The following RANGAP1 variants were observed in gnomAD, a reference collection of about 807,000 sequenced individuals.
The protein encoded by RANGAP1 is Ran GTPase activating protein 1.
A neutral mutation model predicts 63.5 loss-of-function variants in RANGAP1; 38 were observed. The observed-to-expected ratio is 0.60, with a 90% CI of 0.46 to 0.78. The LOEUF (loss-of-function observed/expected upper bound fraction) is 0.78. Among genes scored for constraint, RANGAP1 ranks in the 30% least tolerant of loss-of-function variants. The probability of loss-of-function intolerance (pLI) is 0.00; values close to 1 mark genes in which losing one functional copy is unlikely to be tolerated. For synonymous variants in RANGAP1, 329 were observed against 310.5 expected (o/e 1.06, Z -0.63); for missense variants, 630 against 740.3 (o/e 0.85, Z 1.73).
chr22:41,291,616 A>T, the RANGAP1 span, among the ~76,000 whole-genome samples: 1 of 103,746 alleles, frequency 9.6e-6, no homozygotes, highest in Non-Finnish European at 2.0e-5. Flanking sequence ...AAAAAAAAAT[A>T]GGCCGGGCGC....
At chr22:41,269,535 G>A (rs2145786693) in intron 3 of RANGAP1, among the ~76,000 whole-genome samples, 1 of 151,748 alleles carries the variant, frequency 6.6e-6, no homozygotes, top group Middle Eastern at 3.4e-3. Flanking sequence ...AGGAGTTTGA[G>A]AGTAGCCTGG....
In RANGAP1 at chr22:41,256,624, C is replaced by A. The variant is rs573055188; in HGVS notation, c.888+87G>T. 13 of 1,189,446 alleles carry A rather than the reference C, an allele frequency of 1.1e-5. No homozygotes were observed. The South Asian group carries it at 1.6e-4, about 15-fold the overall frequency. The allele number at this position is 1,189,446 out of a possible 1,614,324, so 73.7% of individuals were successfully genotyped here. The stretch of plus-strand genomic sequence containing the variant: ...GAGCTGGGATATGGACACAGGCCCA[C>A]CTGCCTTCAGACCAGACCCCTGTGC... On this transcript the variant is annotated intron_variant, in intron 8 of 15. Transcript: ENST00000356244.
At chr22:41,259,219 G>A (rs1407337868) in intron 6 of RANGAP1, among the ~76,000 whole-genome samples, 1 of 152,178 alleles carries the variant, frequency 6.6e-6, no homozygotes, top group Non-Finnish European at 1.5e-5. Flanking sequence ...CCAGGACTGA[G>A]GGTTGGCCTG....
At chr22:41,301,557 C>G in the RANGAP1 span, 2 of 152,150 alleles carry the variant, frequency 1.3e-5, no homozygotes, top group Non-Finnish European at 2.9e-5. Flanking sequence ...CTGCCGCGAG[C>G]GGCCAGCCGA....
In RANGAP1 at chr22:41,281,102, A is replaced by G; in HGVS notation, c.-38-20T>C. On this transcript the variant is annotated intron_variant, in intron 1 of 15. Transcript: ENST00000356244. ...TGCAGACTGAGGAGGCCAAAGTTGC[A>G]GTAAGAAAAAGGAGTCTCCTGGGGC... 1 of 1,521,382 alleles carries G rather than the reference A, an allele frequency of 6.6e-7. No individual in the cohort carries two copies. Among genetic ancestry groups the G allele is most frequent in the Non-Finnish European group, 8.7e-7 (1 of 1,144,620 alleles). 94.2% of individuals were successfully genotyped at this position (1,521,382 alleles called of 1,614,324 possible). A position where few individuals can be genotyped will look rare whatever the true frequency, so the allele number is the denominator to read the frequency against.
At position 41,273,563 on chromosome 22, in the gene RANGAP1, C is replaced by T. The variant is rs371657764; in HGVS notation, c.240+1037G>A. On this transcript the variant is annotated intron_variant, in intron 3 of 15. Transcript: ENST00000356244. ...CAGACAAATCACAAGGTCAGGAGTTCGACACCAGCCTGGCCAACATAGTGA... is the reference window on the plus strand; with the variant it reads ...CAGACAAATCACAAGGTCAGGAGTTTGACACCAGCCTGGCCAACATAGTGA... 3.4e-3 allele frequency among the ~76,000 whole-genome samples: 517 copies of T among 151,510 alleles called. 2 individuals are homozygous for T. Among genetic ancestry groups the T allele is most frequent in the East Asian group, 0.012 (60 of 5,130 alleles).
Position 41,256,267 on chromosome 22 carries a change from T to C in RANGAP1, c.912A>G (p.Glu304=). The C allele has an allele frequency of 6.2e-7, 1 of 1,614,070 alleles. No homozygotes were observed. The highest frequency in any genetic ancestry group is 8.5e-7 in the Non-Finnish European group (1 of 1,180,010). ...CAGCCAGGGCAGCATCCCTCTTGAT[T>C]TCACAGAATGACAAGTTCAGCTCCT... ...KLKELNLSFC[E]IKRDAALAVA... is the part of the protein sequence containing the mutation. Residue 304 remains glutamate, a synonymous_variant, in exon 9 of 16, where the codon GAA becomes GAG. Coordinates refer to ENST00000356244, the MANE Select transcript of RANGAP1 (RefSeq NM_002883.4).
chr22:41,249,227 G>A (rs1216155808), intron 15 of RANGAP1, 103 bp downstream of exon 15: 3 of 1,433,240 alleles, frequency 2.1e-6, no homozygotes, highest in Non-Finnish European at 2.8e-6. Flanking sequence ...GGGCCAGCAG[G>A]CTGGCTGGGC....
chr22:41,246,367 G>A lies in RANGAP1; in HGVS notation c.*236C>T. 2.1e-6 allele frequency: 1 copy of A among 472,264 alleles called. No homozygotes were observed. The highest frequency in any genetic ancestry group is 3.9e-6 in the Non-Finnish European group (1 of 258,796). The allele number at this position is 472,264 out of a possible 1,614,324, so 29.3% of individuals were successfully genotyped here. A position where few individuals can be genotyped will look rare whatever the true frequency, so the allele number is the denominator to read the frequency against. On this transcript the variant is annotated 3_prime_UTR_variant, in exon 16 of 16. Coordinates refer to ENST00000356244, the MANE Select transcript of RANGAP1 (RefSeq NM_002883.4). ...CCCTGGGGGCCAACTCCCCACAACA[G>A]AGCAGGGCTGGGCCAGCAGAAGACG...
At chr22:41,261,307 T>A in intron 6 of RANGAP1, 139 bp downstream of exon 6, 1 of 1,327,840 alleles carries the variant, frequency 7.5e-7, no homozygotes, top group Non-Finnish European at 1.0e-6. Context: ...TCGGATGGGT[T>A]AACAGGCTTG....
intron 2 of RANGAP1, among the ~76,000 whole-genome samples, chr22:41,279,085 G>A (rs1460733367): frequency 6.6e-6 from 1 of 152,256 alleles, no homozygotes; most frequent in Admixed American, 6.5e-5. Flanking sequence ...GGAGCCTGCA[G>A]TGAGCCAACA....
rs149263766 is a variant in RANGAP1 at position 41,280,949 on chromosome 22, G to A, written c.96C>T (p.Leu32=). 8.7e-6 allele frequency: 14 copies of A among 1,613,998 alleles called. No individual in the cohort carries two copies. The highest frequency in any genetic ancestry group is 1.2e-5 in the Non-Finnish European group (14 of 1,180,034). The change falls in exon 2 of 16, where the codon CTC becomes CTT. Residue 32 remains leucine (L), a synonymous_variant. Transcript: ENST00000356244. ...GAAACTCACCATCTTCTGCAGTGTT[G>A]AGTTTGAGGCTCTTGCCTTTGAAAC... ...QLSFKGKSLK[L]NTAEDAKDVI... is the part of the protein sequence containing the mutation.
At chr22:41,291,427 C>T in the RANGAP1 span, among the ~76,000 whole-genome samples, 1 of 151,228 alleles carries the variant, frequency 6.6e-6, no homozygotes, top group African/African-American at 2.4e-5. Context: ...GAAACCCTGT[C>T]TCTACTAAAA....
At chr22:41,255,950 T>A in intron 10 of RANGAP1, 71 bp downstream of exon 10, 1 of 1,460,372 alleles carries the variant, frequency 6.8e-7, no homozygotes, top group Non-Finnish European at 9.5e-7. Flanking sequence ...CAAGACTCCA[T>A]CTCAAGAACA....
chr22:41,269,459 G>C (rs947439844), intron 3 of RANGAP1, among the ~76,000 whole-genome samples: 10 of 152,100 alleles, frequency 6.6e-5, no homozygotes, highest in Non-Finnish European at 1.5e-4. Context: ...AAGATGCCGG[G>C]CATGGTGGCT....
At position 41,274,638 on chromosome 22, in the gene RANGAP1, C is replaced by G. The variant is rs1233924457; in HGVS notation, c.202G>C (p.Val68Leu). 2 of 1,614,204 alleles carry G rather than the reference C, an allele frequency of 1.2e-6. No individual in the cohort carries two copies. The highest frequency in any genetic ancestry group is 3.3e-5 in the Admixed American group (2 of 60,016). ...TTCTTCTCTAAGGCCTTGGCGATGA[C>G]CCTGGCTGCTTCCACGCCCACTGTG... is the stretch of plus-strand genomic sequence containing the variant. ...GNTVGVEAAR[V>L]IAKALEKKSE... The change falls in exon 3 of 16, where the codon GTC becomes CTC. Residue 68 changes from valine to leucine, a missense_variant. By Grantham distance (32) the Val-to-Leu change is conservative (BLOSUM62 1). Around this residue, in one of 3 missense-constraint regions of RANGAP1, gnomAD observed 137 missense variants for 214.3 expected, o/e 0.64. Coordinates refer to ENST00000356244, the MANE Select transcript of RANGAP1 (RefSeq NM_002883.4).
intron 5 of RANGAP1, among the ~76,000 whole-genome samples, chr22:41,263,784 C>T (rs542244207): frequency 6.6e-6 from 1 of 152,346 alleles, no homozygotes; most frequent in South Asian, 2.1e-4. Context: ...CCCCTGCTCA[C>T]CCTCACGTCA....
intron 15 of RANGAP1, among the ~76,000 whole-genome samples, 196 bp downstream of exon 15, chr22:41,249,134 G>T (rs569987170): frequency 3.3e-5 from 5 of 152,348 alleles, no homozygotes; most frequent in South Asian, 4.1e-4. Flanking sequence ...GGGCAGAGGG[G>T]AGTGGGCCTC....
At chr22:41,265,131 C>G (rs2034392829) in intron 4 of RANGAP1, among the ~76,000 whole-genome samples, 1 of 152,154 alleles carries the variant, frequency 6.6e-6, no homozygotes, top group African/African-American at 2.4e-5. Context: ...TGAAAAGACT[C>G]CAGGCAGCTG....
Sources: allele counts gnomAD v4.1 joint callset (sites outside exome capture counted in the v4.1 genomes callset), GRCh38; gene constraint gnomAD v4.1.1; regional missense constraint gnomAD v4.1.1; transcripts MANE v1.5; gene names NCBI Gene and HGNC (gene_info 2026-07-23, HGNC 2026-07-21).